The following SAMSN1 variants were observed in gnomAD, a reference collection of about 807,000 sequenced individuals.
SAMSN1 encodes the protein SAM domain, SH3 domain and nuclear localization signals 1.
SAMSN1 carries 31 observed loss-of-function variants against 42.0 expected under a neutral mutation model. That is an observed-to-expected ratio of 0.74 (90% CI 0.55 to 1.00). The LOEUF is 1.00. Ranked by LOEUF, SAMSN1 falls within the 50% of genes least tolerant of loss-of-function variation. SAMSN1 has a pLI of 0.00. For synonymous variants in SAMSN1, 178 were observed against 151.9 expected (o/e 1.17, Z -1.26); for missense variants, 464 against 439.4 (o/e 1.06, Z -0.50).
At chr21:14,573,007 A>G (rs1981348588) in intron 2 of SAMSN1, among the ~76,000 whole-genome samples, 1 of 152,202 alleles carries the variant, frequency 6.6e-6, no homozygotes, top group African/African-American at 2.4e-5. Context: ...TCATAACACA[A>G]TTAAAAGAAT....
At chr21:14,555,872 A>G (rs748773503) in intron 2 of SAMSN1, among the ~76,000 whole-genome samples, 8 of 152,224 alleles carry the variant, frequency 5.3e-5, no homozygotes, top group Non-Finnish European at 1.0e-4. Context: ...TTTTGCACAG[A>G]AGTGCTTTGT....
chr21:14,503,085 T>A lies in SAMSN1; in HGVS notation c.562-2350A>T, dbSNP rs561491946. On this transcript the variant is annotated intron_variant, in intron 5 of 7. Coordinates refer to ENST00000400566, the MANE Select transcript of SAMSN1 (RefSeq NM_022136.5). ...CTCTCCTTGAGTGTGAGCAGGACTA[T>A]GAAAATGATGGATATCACACTCATG... Among the ~76,000 whole-genome samples the A allele has an allele frequency of 2.0e-5, 3 of 152,278 alleles. No individual in the cohort carries two copies. The South Asian group carries it at 6.2e-4, about 32-fold the overall frequency.
chr21:14,492,309 C>T (rs567753647), intron 7 of SAMSN1, among the ~76,000 whole-genome samples: 10 of 152,294 alleles, frequency 6.6e-5, no homozygotes, highest in Non-Finnish European at 1.2e-4. Context: ...TGACAACATA[C>T]TCGAATACCG....
At chr21:14,555,848 C>A (rs952584603) in intron 2 of SAMSN1, among the ~76,000 whole-genome samples, 1 of 152,146 alleles carries the variant, frequency 6.6e-6, no homozygotes, top group Admixed American at 6.5e-5. Flanking sequence ...ACTGACAGAA[C>A]AAATTGATCT....
rs561173295 is a variant in SAMSN1 at position 14,565,344 on chromosome 21, G to A, written c.261+16792C>T. Among the ~76,000 whole-genome samples the A allele has an allele frequency of 3.8e-4, 57 of 150,154 alleles. 1 individual carries two copies. The South Asian group carries it at 8.9e-3, about 23-fold the overall frequency. ...ATACCTCACAGAAGGCCTCCAAGACGCAGGGAAAATATCTTCAATGACTCA... is the reference window on the plus strand; with the variant it reads ...ATACCTCACAGAAGGCCTCCAAGACACAGGGAAAATATCTTCAATGACTCA... On this transcript the variant is annotated intron_variant, in intron 2 of 8. Transcript: ENST00000285670.
chr21:14,539,847 G>A (rs182930443), intron 1 of SAMSN1, among the ~76,000 whole-genome samples: 1 of 152,106 alleles, frequency 6.6e-6, no homozygotes, highest in African/African-American at 2.4e-5. Flanking sequence ...TCAATCCTAA[G>A]CCAGAAGAAC....
upstream of SAMSN1, among the ~76,000 whole-genome samples, chr21:14,584,088 G>GA (rs1052897414): frequency 6.6e-6 from 1 of 151,308 alleles, no homozygotes; most frequent in Admixed American, 6.6e-5. Flanking sequence ...TGAAACAGCG[G>GA]AAAAAAACAA....
At chr21:14,557,222 C>T (rs1980789236) in intron 2 of SAMSN1, among the ~76,000 whole-genome samples, 1 of 152,086 alleles carries the variant, frequency 6.6e-6, no homozygotes, top group African/African-American at 2.4e-5. Flanking sequence ...TTCAGACAAG[C>T]TACATGAACT....
At chr21:14,502,596 A>G (rs1987214863) in intron 5 of SAMSN1, among the ~76,000 whole-genome samples, 2 of 152,318 alleles carry the variant, frequency 1.3e-5, no homozygotes, top group East Asian at 3.9e-4. Context: ...CAGCAGCAGC[A>G]GTGGTCCCTT....
chr21:14,553,306 A>T (rs1034234189), intron 2 of SAMSN1, among the ~76,000 whole-genome samples: 10 of 152,126 alleles, frequency 6.6e-5, no homozygotes, highest in Non-Finnish European at 1.5e-4. Flanking sequence ...TTTGGAATTA[A>T]TAACTGTCTT....
chr21:14,554,698 C>CTTTTTT (rs34880996), intron 2 of SAMSN1, among the ~76,000 whole-genome samples: 25 of 130,496 alleles, frequency 1.9e-4, no homozygotes, highest in Non-Finnish European at 2.7e-4. Context: ...TTTTCTTTTT[C>CTTTTTT]TTTTTTTTTT....
At chr21:14,533,632 C>T (rs970915462) in intron 1 of SAMSN1, among the ~76,000 whole-genome samples, 1 of 152,100 alleles carries the variant, frequency 6.6e-6, no homozygotes, top group Non-Finnish European at 1.5e-5. Context: ...TTCAAGGTGA[C>T]TAATTCATAA....
At chr21:14,619,717 T>C (rs1251209646) in intron 2 of SAMSN1, 1 of 281,090 alleles carries the variant, frequency 3.6e-6, no homozygotes, top group Middle Eastern at 4.9e-4. Context: ...AATACACACT[T>C]ATTTATTAAA....
chr21:14,608,018 T>C (rs183416153), intron 5 of SAMSN1, among the ~76,000 whole-genome samples: 260 of 152,188 alleles, frequency 1.7e-3, no homozygotes, highest in Middle Eastern at 3.4e-3. Context: ...AAAGACAGAG[T>C]CCAATCCAAA....
chr21:14,657,243 T>G (rs972987100), intron 1 of SAMSN1, among the ~76,000 whole-genome samples: 6 of 151,962 alleles, frequency 3.9e-5, no homozygotes, highest in African/African-American at 1.4e-4. Context: ...TTTGATAACA[T>G]AAACTTTGCA....
intron 1 of SAMSN1, among the ~76,000 whole-genome samples, chr21:14,649,203 A>G (rs1983779608): frequency 6.8e-6 from 1 of 147,050 alleles, no homozygotes; most frequent in Non-Finnish European, 1.5e-5. Context: ...ATTCTCACTC[A>G]TAGGTGGGAA....
At chr21:14,552,019 G>T (rs764581815) in intron 2 of SAMSN1, among the ~76,000 whole-genome samples, 1 of 152,094 alleles carries the variant, frequency 6.6e-6, no homozygotes. Flanking sequence ...ATGTTGAGTT[G>T]CTGGCTTCTG....
exon 2 of SAMSN1, chr21:14,643,109 C>T (rs1983634290): frequency 2.8e-6 from 2 of 717,194 alleles, no homozygotes; most frequent in Non-Finnish European, 5.2e-6. Flanking sequence ...GGGATTGGCT[C>T]ATATAAGCTA....
chr21:14,647,897 G>A (rs977586785), intron 1 of SAMSN1, among the ~76,000 whole-genome samples: 88 of 151,706 alleles, frequency 5.8e-4, no homozygotes, highest in Non-Finnish European at 8.2e-4. Flanking sequence ...CTGAGACAAT[G>A]GAGTTTTCTA....
Sources: allele counts gnomAD v4.1 joint callset (sites outside exome capture counted in the v4.1 genomes callset), GRCh38; gene constraint gnomAD v4.1.1; transcripts MANE v1.5; gene names NCBI Gene and HGNC (gene_info 2026-07-23, HGNC 2026-07-21).